The following LRRC7 variants were observed in gnomAD, a reference collection of about 807,000 sequenced individuals.
LRRC7 encodes leucine rich repeat containing 7.
LRRC7 carries 23 observed loss-of-function variants against 175.7 expected under a neutral mutation model. The observed-to-expected ratio is 0.13, with a 90% CI of 0.09 to 0.19. LRRC7 has a LOEUF of 0.19. LRRC7 is among the 10% of genes least tolerant of loss of function. The probability of loss-of-function intolerance (pLI) is 1.00; values close to 1 mark genes in which losing one functional copy is unlikely to be tolerated. For synonymous variants in LRRC7, 685 were observed against 680.9 expected, an observed-to-expected ratio of 1.01 and a Z score of -0.09; for missense variants, 1,354 against 1,904.7, an observed-to-expected ratio of 0.71 and a Z score of 5.38.
At position 69,665,363 on chromosome 1, in the gene LRRC7, G is replaced by T. The variant is rs1796959; in HGVS notation, c.3-13018G>T. ...AAGAATGTCATTAGTATTTTGATAAGGATTGCCTTAAATTTGTAGATTGCT... is the reference window on the plus strand; with the variant it reads ...AAGAATGTCATTAGTATTTTGATAATGATTGCCTTAAATTTGTAGATTGCT... On this transcript the variant is annotated intron_variant, in intron 1 of 26. Transcript: ENST00000651989. 9.0e-3 allele frequency among the ~76,000 whole-genome samples: 1,372 copies of T among 152,054 alleles called. 23 individuals carry two copies. The highest frequency in any genetic ancestry group is 0.031 in the African/African-American group (1,305 of 41,472).
chr1:69,889,506 C>T (rs1447384147), intron 7 of LRRC7, among the ~76,000 whole-genome samples: 1 of 152,104 alleles, frequency 6.6e-6, no homozygotes, highest in African/African-American at 2.4e-5. Context: ...GAGTAGATTC[C>T]ATCTCAAGAA....
At chr1:69,898,926 C>T (rs995265467) in intron 7 of LRRC7, among the ~76,000 whole-genome samples, 2 of 152,200 alleles carry the variant, frequency 1.3e-5, no homozygotes, top group Non-Finnish European at 2.9e-5. Context: ...CAACAGAGAT[C>T]GTATACCATG....
rs537221000 is a variant in LRRC7, at chr1:69,850,215, A to G, written c.647+11932A>G. Among the ~76,000 whole-genome samples, 385 of 152,196 alleles carry G rather than the reference A, an allele frequency of 2.5e-3. 4 individuals are homozygous for G. The highest frequency in any genetic ancestry group is 8.9e-3 in the African/African-American group (370 of 41,546). On this transcript the variant is annotated intron_variant, in intron 7 of 26. Coordinates refer to ENST00000651989, the MANE Select transcript of LRRC7 (RefSeq NM_001370785.2). The stretch of plus-strand genomic sequence containing the variant: ...AAAAATAACAACCAAAGAAAAAAAG[A>G]AGAAAATCAGGTGTACAAAACTTGT...
intron 1 of LRRC7, among the ~76,000 whole-genome samples, chr1:69,605,990 C>T (rs1647493408): frequency 6.6e-6 from 1 of 152,066 alleles, no homozygotes; most frequent in African/African-American, 2.4e-5. Context: ...CTAAAAGTCA[C>T]TTTTTTATCT....
chr1:69,595,413 TCAAAAAACAAA>T (rs1032123011), intron 1 of LRRC7, among the ~76,000 whole-genome samples: 22 of 152,020 alleles, frequency 1.4e-4, no homozygotes, highest in Admixed American at 8.5e-4. Context: ...AGACTCCATC[TCAAAAAACAAA>T]CAAAAAACAA....
chr1:70,008,269 A>G, intron 11 of LRRC7, among the ~76,000 whole-genome samples: 1 of 152,192 alleles, frequency 6.6e-6, no homozygotes, highest in East Asian at 1.9e-4. Flanking sequence ...GATTGTTCCC[A>G]CCAGATTAAG....
chr1:69,685,119 C>T (rs185749413), intron 2 of LRRC7, among the ~76,000 whole-genome samples: 39 of 152,128 alleles, frequency 2.6e-4, no homozygotes, highest in South Asian at 1.2e-3. Flanking sequence ...GCAGAAGCCC[C>T]GACAGTGCCA....
At chr1:69,858,897 T>G (rs1684032338) in intron 7 of LRRC7, among the ~76,000 whole-genome samples, 1 of 152,070 alleles carries the variant, frequency 6.6e-6, no homozygotes, top group South Asian at 2.1e-4. Context: ...GACAAAGAAG[T>G]CATTACATAA....
intron 10 of LRRC7, among the ~76,000 whole-genome samples, chr1:69,987,411 C>G (rs1654037915): frequency 6.6e-6 from 1 of 152,170 alleles, no homozygotes; most frequent in Admixed American, 6.5e-5. Context: ...ATTTTAACCT[C>G]TTTGAAACAG....
intron 13 of LRRC7, 75 bp downstream of exon 13, chr1:70,013,164 T>G (rs1345121177): frequency 1.2e-6 from 1 of 815,398 alleles, no homozygotes; most frequent in Non-Finnish European, 1.9e-6. Flanking sequence ...GCCTATAGTT[T>G]TGATAACATT....
intron 5 of LRRC7, among the ~76,000 whole-genome samples, chr1:69,832,437 G>C (rs911714804): frequency 4.6e-5 from 7 of 152,094 alleles, no homozygotes; most frequent in Non-Finnish European, 1.0e-4. Context: ...TAAAGGCAGG[G>C]AGTTCTCTGG....
chr1:69,841,878 G>T (rs1215802096), intron 7 of LRRC7, among the ~76,000 whole-genome samples: 1 of 152,058 alleles, frequency 6.6e-6, no homozygotes, highest in East Asian at 1.9e-4. Context: ...TATATGGGAA[G>T]CCAAACATTA....
chr1:69,650,079 C>T (rs1557543778), intron 1 of LRRC7, among the ~76,000 whole-genome samples: 1 of 152,072 alleles, frequency 6.6e-6, no homozygotes, highest in Non-Finnish European at 1.5e-5. Context: ...TCTAATGAAA[C>T]TCAAGGACAT....
At chr1:70,004,172 G>T (rs1176994192) in intron 11 of LRRC7, among the ~76,000 whole-genome samples, 1 of 152,148 alleles carries the variant, frequency 6.6e-6, no homozygotes, top group African/African-American at 2.4e-5. Context: ...TGTTTCTAAT[G>T]AATGCGTTTT....
chr1:70,006,451 G>A (rs1423556916), intron 11 of LRRC7, among the ~76,000 whole-genome samples: 3 of 147,282 alleles, frequency 2.0e-5, no homozygotes, highest in Non-Finnish European at 4.5e-5. Context: ...CAGCCTGGGC[G>A]ACAGAGCAAG....
At chr1:69,778,964 A>T (rs1260080738) in intron 3 of LRRC7, among the ~76,000 whole-genome samples, 2 of 109,016 alleles carry the variant, frequency 1.8e-5, no homozygotes, top group Admixed American at 1.7e-4. Context: ...ACACAAACAT[A>T]TATATATATA....
In LRRC7 at chr1:70,142,808, T is replaced by TAAC. The variant is rs1436734349; in HGVS notation, c.*20923_*20925dup. On this transcript the variant is annotated 3_prime_UTR_variant, in exon 27 of 27. Transcript: ENST00000651989. ...TCTATTCAAAAAAGAAATATTAAAC[T>TAAC]AACATAAGCAATTCTGAAGGAAGAC... 2 of 152,078 alleles carry TAAC rather than the reference T, an allele frequency of 1.3e-5. No individual in the cohort carries two copies. The highest frequency in any genetic ancestry group is 2.1e-4 in the South Asian group (1 of 4,830). The allele number at this position is 152,078 out of a possible 1,614,324, so 9.4% of individuals were successfully genotyped here.
At chr1:69,935,539 A>G (rs1423117007) in intron 8 of LRRC7, among the ~76,000 whole-genome samples, 1 of 152,198 alleles carries the variant, frequency 6.6e-6, no homozygotes, top group African/African-American at 2.4e-5. Context: ...GATACAAAAT[A>G]AACACTAAAT....
At position 69,969,859 on chromosome 1, in the gene LRRC7, G is replaced by A. The variant is rs907126908; in HGVS notation, c.712-10520G>A. ...TTCAACAGCGCATGGAACTTTCTCC[G>A]GGATAGACCACATGATAGGCCACAA... On this transcript the variant is annotated intron_variant, in intron 8 of 26. Coordinates refer to ENST00000651989, the MANE Select transcript of LRRC7 (RefSeq NM_001370785.2). Among the ~76,000 whole-genome samples, 5 of 152,018 alleles carry A rather than the reference G, an allele frequency of 3.3e-5. No homozygotes were observed. The East Asian group carries it at 5.8e-4, about 18-fold the overall frequency.
Sources: gnomAD v4.1 joint callset for allele counts (sites outside exome capture counted in the v4.1 genomes callset) on GRCh38, gnomAD v4.1.1 for gene constraint, MANE v1.5 for transcripts, NCBI Gene and HGNC (gene_info 2026-07-23, HGNC 2026-07-21) for gene names.